Variants in SLC22A14 observed in about 807,000 individuals in gnomAD.
SLC22A14 encodes organic cation transporter-like 4.
SLC22A14 carries 50 observed loss-of-function variants against 53.9 expected under a neutral mutation model. The ratio of observed to expected loss-of-function variants is 0.93; its 90% CI spans 0.74 to 1.17. The LOEUF is 1.17. Ranked by LOEUF, SLC22A14 falls within the 50% of genes most tolerant of loss-of-function variation. SLC22A14 has a pLI of 0.00. For missense variants in SLC22A14, 671 were observed against 734.7 expected (o/e 0.91, Z 1.00); for synonymous variants, 312 against 303.0 (o/e 1.03, Z -0.31).
intron 10 of SLC22A14, among the ~76,000 whole-genome samples, chr3:38,317,638 T>C (rs1704659163): frequency 6.6e-6 from 1 of 152,162 alleles, no homozygotes; most frequent in South Asian, 2.1e-4. Context: ...ACGGAGAAGT[T>C]ACCTCATACC....
chr3:38,288,806 T>C (rs1233712069), intron 1 of SLC22A14, among the ~76,000 whole-genome samples: 1 of 152,178 alleles, frequency 6.6e-6, no homozygotes, highest in Non-Finnish European at 1.5e-5. Context: ...CTAATCTATA[T>C]TTCAATATTA....
At chr3:38,309,209 A>G in intron 5 of SLC22A14, 87 bp downstream of exon 5, 1 of 1,180,122 alleles carries the variant, frequency 8.5e-7, no homozygotes, top group South Asian at 1.3e-5. Flanking sequence ...AGCTGTGGGA[A>G]TGGGTGGGAT....
chr3:38,287,066 A>C (rs1199030850), intron 1 of SLC22A14, among the ~76,000 whole-genome samples: 2 of 151,910 alleles, frequency 1.3e-5, no homozygotes, highest in African/African-American at 4.8e-5. Flanking sequence ...TACTCTTTAC[A>C]TAGTCTTGAT....
Position 38,315,635 on chromosome 3 carries a change from C to A in SLC22A14, c.1456C>A (p.Leu486Ile). 1 of 1,614,130 alleles carries A rather than the reference C, an allele frequency of 6.2e-7. No homozygotes were observed. The highest frequency in any genetic ancestry group is 8.5e-7 in the Non-Finnish European group (1 of 1,179,998). ...LKSMTILVLM[L>I]REFSLAATVT... The stretch of plus-strand genomic sequence containing the variant: ...ATCCATGACGATCTTGGTGCTCATG[C>A]TCAGAGAGTTCAGCCTGGCCGCCAC... The change falls in exon 9 of 11, where the codon CTC (leucine) becomes ATC (isoleucine). Residue 486 changes from leucine (L) to isoleucine (I), a missense_variant. Physicochemically the swap from Leu to Ile is conservative, Grantham distance 5. Transcript: ENST00000448498.
chr3:38,292,471 A>T (rs1703935038), intron 1 of SLC22A14, among the ~76,000 whole-genome samples: 1 of 152,102 alleles, frequency 6.6e-6, no homozygotes, highest in African/African-American at 2.4e-5. Context: ...TAATCCTGAG[A>T]TCCTGCACTA....
At chr3:38,295,327 G>A (rs1704005540) in intron 1 of SLC22A14, among the ~76,000 whole-genome samples, 1 of 152,136 alleles carries the variant, frequency 6.6e-6, no homozygotes, top group Non-Finnish European at 1.5e-5. Flanking sequence ...TTGCTTTTTT[G>A]ACTTAGAATA....
chr3:38,310,444 C>T (rs1045268687), intron 5 of SLC22A14, among the ~76,000 whole-genome samples: 1 of 152,134 alleles, frequency 6.6e-6, no homozygotes, highest in Non-Finnish European at 1.5e-5. Flanking sequence ...TTTTTCCTGG[C>T]CCCTCGCTCA....
At chr3:38,301,521 T>C (rs1003405002) in intron 1 of SLC22A14, among the ~76,000 whole-genome samples, 8 of 152,262 alleles carry the variant, frequency 5.3e-5, no homozygotes, top group Admixed American at 3.3e-4. Flanking sequence ...TTGACTTTTA[T>C]GTATTCACAT....
intron 1 of SLC22A14, among the ~76,000 whole-genome samples, chr3:38,294,721 C>T (rs1198083486): frequency 6.6e-6 from 1 of 152,128 alleles, no homozygotes; most frequent in African/African-American, 2.4e-5. Flanking sequence ...CAGTCCTGCA[C>T]CTGTTTTCCC....
intron 1 of SLC22A14, among the ~76,000 whole-genome samples, chr3:38,288,801 C>T (rs1703845324): frequency 1.3e-5 from 2 of 152,072 alleles, no homozygotes; most frequent in Non-Finnish European, 2.9e-5. Context: ...TGTTCCTAAT[C>T]TATATTTCAA....
At position 38,315,580 on chromosome 3, in the gene SLC22A14, G is replaced by A; in HGVS notation, c.1401G>A (p.Lys467=). ...CAGGGGAGGATGGCCTCAGACTCAA[G>A]TGGCCACGTTGTCCGGCCACAGAGC... ...LPEGEDGLRL[K]WPRCPATELK... is the part of the protein sequence containing the mutation. Residue 467 remains lysine (K), a synonymous_variant, in exon 9 of 11, where the codon AAG becomes AAA. Coordinates refer to ENST00000448498, the MANE Select transcript of SLC22A14 (RefSeq NM_001320033.2). The A allele has an allele frequency of 1.2e-6, 2 of 1,614,094 alleles. No homozygotes were observed. The highest frequency in any genetic ancestry group is 8.5e-7 in the Non-Finnish European group (1 of 1,180,008).
chr3:38,307,842 T>C lies in SLC22A14; in HGVS notation c.775+122T>C, dbSNP rs1231624523. 7.3e-6 allele frequency: 8 copies of C among 1,102,792 alleles called. No individual in the cohort carries two copies. Among genetic ancestry groups the C allele is most frequent in the South Asian group, 2.8e-5 (2 of 71,184 alleles). The allele number at this position is 1,102,792 out of a possible 1,614,324, so 68.3% of individuals were successfully genotyped here. ...ATAGGCAGATGGCAAGGGGGCGTGG[T>C]GTAGCTGTAAGAGGGCATGGCGGGG... On this transcript the variant is annotated intron_variant, in intron 4 of 10. Coordinates refer to ENST00000448498, the MANE Select transcript of SLC22A14 (RefSeq NM_001320033.2). The surrounding 1 kb of genome is among the most constrained non-coding windows in gnomAD (Gnocchi z 4.4).
intron 1 of SLC22A14, among the ~76,000 whole-genome samples, chr3:38,298,252 A>C (rs1704082411): frequency 1.3e-5 from 2 of 152,094 alleles, no homozygotes; most frequent in Non-Finnish European, 2.9e-5. Flanking sequence ...GATATTTTAT[A>C]ATCATCTTGT....
Position 38,307,684 on chromosome 3 carries a change from TCAGTGGTGGGCTACGC to T in SLC22A14, c.742_757del (p.Val248SerfsTer11). 1 of 1,614,190 alleles carries T rather than the reference TCAGTGGTGGGCTACGC, an allele frequency of 6.2e-7. No homozygotes were observed. Among genetic ancestry groups the T allele is most frequent in the Non-Finnish European group, 8.5e-7 (1 of 1,180,030 alleles). ...GTTCTTTCGCTTTGGCATCTCGCAGTCAGTGGTGGGCTACGCCATCAGCAGCATTTCTTTGGGTGAG... is the reference window on the plus strand; with the variant it reads ...GTTCTTTCGCTTTGGCATCTCGCAGTCATCAGCAGCATTTCTTTGGGTGAG... On this transcript the variant is annotated frameshift_variant, in exon 4 of 11. Coordinates refer to ENST00000448498, the MANE Select transcript of SLC22A14 (RefSeq NM_001320033.2). LOFTEE classifies it high-confidence loss of function. The surrounding 1 kb of genome is among the most constrained non-coding windows in gnomAD (Gnocchi z 4.4).
chr3:38,318,133 G>A, intron 10 of SLC22A14, 65 bp from the exon 11 acceptor site: 1 of 1,487,154 alleles, frequency 6.7e-7, no homozygotes, highest in Non-Finnish European at 9.4e-7. Flanking sequence ...GAAGGCACAA[G>A]CCGCTGCTTT....
chr3:38,310,179 A>G (rs1704429501), intron 5 of SLC22A14, among the ~76,000 whole-genome samples: 2 of 151,998 alleles, frequency 1.3e-5, no homozygotes, highest in South Asian at 4.2e-4. Flanking sequence ...GGAGTTTGGG[A>G]CCAGCCTGGG....
Position 38,316,388 on chromosome 3 carries a change from A to G in SLC22A14, c.1597A>G (p.Ile533Val), listed in dbSNP as rs749090976. 6.2e-7 allele frequency: 1 copy of G among 1,614,116 alleles called. No homozygotes were observed. Among genetic ancestry groups the G allele is most frequent in the East Asian group, 2.2e-5 (1 of 44,874 alleles). Residue 533 changes from isoleucine to valine, a missense_variant, in exon 10 of 11, where the codon ATC becomes GTC. Coordinates refer to ENST00000448498, the MANE Select transcript of SLC22A14 (RefSeq NM_001320033.2). ...VAGAILSLTI[I>V]SQTPSLLPIF... ...TGGAGCCATCTTGTCCCTGACAATC[A>G]TCAGCCAGACCCCCTCCCTCCTGCC...
At position 38,316,451 on chromosome 3, in the gene SLC22A14, T is replaced by C. The variant is rs529583708; in HGVS notation, c.1660T>C (p.Ser554Pro). 13 of 1,613,928 alleles carry C rather than the reference T, an allele frequency of 8.1e-6. No individual in the cohort carries two copies. The South Asian group carries it at 1.4e-4, about 18-fold the overall frequency. ...LCCVLAIVAF[S>P]LSSLLPETRD... ...CTGCGTCTTAGCCATCGTGGCCTTTTCCCTCTCCTCCCTGCTGCCGGAAAC... is the reference window on the plus strand; with the variant it reads ...CTGCGTCTTAGCCATCGTGGCCTTTCCCCTCTCCTCCCTGCTGCCGGAAAC... The change falls in exon 10 of 11, where the codon TCC becomes CCC. Residue 554 changes from serine (S) to proline (P), a missense_variant. Coordinates refer to ENST00000448498, the MANE Select transcript of SLC22A14 (RefSeq NM_001320033.2).
chr3:38,314,844 T>A (rs1022321447), intron 8 of SLC22A14, among the ~76,000 whole-genome samples: 3 of 152,220 alleles, frequency 2.0e-5, no homozygotes, highest in Non-Finnish European at 4.4e-5. Context: ...AGCAGCAATA[T>A]GTAAACTCAG....
Sources: gnomAD v4.1 joint callset for allele counts (sites outside exome capture counted in the v4.1 genomes callset) on GRCh38, gnomAD v4.1.1 for gene constraint, Gnocchi (gnomAD v3.1) non-coding constraint, MANE v1.5 for transcripts, NCBI Gene and HGNC (gene_info 2026-07-23, HGNC 2026-07-21) for gene names.